The following MOBP variants were observed in gnomAD, a reference collection of about 807,000 sequenced individuals.
MOBP encodes the protein myelin-associated oligodendrocyte basic protein.
A neutral mutation model predicts 15.0 loss-of-function variants in MOBP; 5 were observed. The observed-to-expected ratio is 0.33, with a 90% CI of 0.17 to 0.70. The LOEUF is 0.70. Among genes scored for constraint, MOBP ranks in the 30% least tolerant of loss-of-function variants. The pLI is 0.67. For synonymous variants in MOBP, 88 were observed against 99.0 expected (o/e 0.89, Z 0.66); for missense variants, 188 against 257.8 (o/e 0.73, Z 1.85).
downstream of MOBP, chr3:39,528,731 A>G (rs2043360102): frequency 6.6e-6 from 1 of 152,274 alleles, no homozygotes; most frequent in Non-Finnish European, 1.5e-5. Flanking sequence ...TTGCTAGAAA[A>G]TAATGCAAGC....
chr3:39,476,626 T>G (rs1435531035), intron 1 of MOBP, among the ~76,000 whole-genome samples: 5 of 152,216 alleles, frequency 3.3e-5, no homozygotes, highest in African/African-American at 1.2e-4. Flanking sequence ...AGCCATATCC[T>G]TTCTTCCCCC....
downstream of MOBP, chr3:39,526,440 C>T (rs2043324776): frequency 6.6e-6 from 1 of 152,132 alleles, no homozygotes; most frequent in Non-Finnish European, 1.5e-5. Context: ...CTAAAAGGTG[C>T]TATAATCCAG....
At chr3:39,474,973 A>G (rs539347858) in intron 1 of MOBP, among the ~76,000 whole-genome samples, 21 of 152,308 alleles carry the variant, frequency 1.4e-4, no homozygotes, top group Non-Finnish European at 2.4e-4. Flanking sequence ...AATTAACTGT[A>G]GACTCTAATC....
At chr3:39,487,033 C>T (rs971730931) in intron 2 of MOBP, among the ~76,000 whole-genome samples, 2 of 151,422 alleles carry the variant, frequency 1.3e-5, no homozygotes, top group Non-Finnish European at 2.9e-5. Flanking sequence ...CTCCAACTCC[C>T]AGGCTCAAGA....
chr3:39,516,331 A>T (rs1358633143), downstream of MOBP, among the ~76,000 whole-genome samples: 3 of 152,156 alleles, frequency 2.0e-5, no homozygotes, highest in African/African-American at 7.2e-5. Flanking sequence ...TGGATCACTG[A>T]TGGAGCCAGC....
rs138472289 is a variant in MOBP, at chr3:39,499,279, G to A, written c.-4-2787G>A. ...TGGGGAAGGGCTTAGCAGACGTTTA[G>A]GGTCTTTGCAATGAATCTGACCCTA... is the stretch of plus-strand genomic sequence containing the variant. On this transcript the variant is annotated intron_variant, in intron 2 of 3. Coordinates refer to ENST00000684792, the MANE Select transcript of MOBP (RefSeq NM_001393704.1). 2.0e-3 allele frequency among the ~76,000 whole-genome samples: 310 copies of A among 152,272 alleles called. 1 individual carries two copies. The highest frequency in any genetic ancestry group is 7.0e-3 in the African/African-American group (292 of 41,550).
At chr3:39,499,379 TCTC>T (rs2042937115) in intron 2 of MOBP, 1 of 152,292 alleles carries the variant, frequency 6.6e-6, no homozygotes, top group African/African-American at 2.4e-5. Context: ...TATCTGATCA[TCTC>T]CTTTTGAAAA....
intron 1 of MOBP, among the ~76,000 whole-genome samples, chr3:39,472,048 C>T (rs2042478068): frequency 1.3e-5 from 2 of 152,122 alleles, no homozygotes. Context: ...AAGTCCCTAC[C>T]CCTTGGGTGC....
At chr3:39,516,586 GGA>G (rs1283286940), downstream of MOBP, among the ~76,000 whole-genome samples, 6 of 152,036 alleles carry the variant, frequency 3.9e-5, no homozygotes, top group Admixed American at 3.9e-4. Context: ...CATGAGGATG[GGA>G]GAGAGAGTTA....
rs2042530264 is a variant in MOBP, at chr3:39,475,287, A to G, written c.-88-4753A>G. ...AGAATAAACGAGGATGATCTGTCTTATTACTGGTGATGTTAACCTTGATCA... is the reference window on the plus strand; with the variant it reads ...AGAATAAACGAGGATGATCTGTCTTGTTACTGGTGATGTTAACCTTGATCA... On this transcript the variant is annotated intron_variant, in intron 1 of 3. Coordinates refer to ENST00000684792, the MANE Select transcript of MOBP (RefSeq NM_001393704.1). Among the ~76,000 whole-genome samples the G allele has an allele frequency of 2.0e-5, 3 of 152,166 alleles. No individual in the cohort carries two copies. In the South Asian group the frequency reaches 6.2e-4, roughly 31 times the overall value.
downstream of MOBP, among the ~76,000 whole-genome samples, chr3:39,505,977 A>G (rs77516730): frequency 6.6e-6 from 1 of 152,162 alleles, no homozygotes; most frequent in Non-Finnish European, 1.5e-5. Context: ...CCACACGTTC[A>G]TCAGAATATG....
exon 5 of MOBP, chr3:39,514,528 C>T (rs1334925873): frequency 6.6e-6 from 1 of 152,286 alleles, no homozygotes; most frequent in Non-Finnish European, 1.5e-5. Context: ...CCTGGCTGGC[C>T]TCTCCACATT....
intron 1 of MOBP, among the ~76,000 whole-genome samples, chr3:39,473,548 G>GGGATAAGGGCAA (rs1349427884): frequency 2.0e-5 from 3 of 152,268 alleles, no homozygotes; most frequent in Admixed American, 1.3e-4. Flanking sequence ...TGGTCCTGGA[G>GGGATAAGGGCAA]GGATAAGGGC....
At chr3:39,483,400 G>A (rs2042654694) in intron 2 of MOBP, among the ~76,000 whole-genome samples, 1 of 152,206 alleles carries the variant, frequency 6.6e-6, no homozygotes. Context: ...AGGGTGGTCA[G>A]CAATCTAGTG....
At position 39,523,177 on chromosome 3, in the gene MOBP, C is replaced by T. The variant is rs922131241; in HGVS notation, c.*259-1066C>T. 2.0e-5 allele frequency among the ~76,000 whole-genome samples: 3 copies of T among 152,206 alleles called. No homozygotes were observed. In the East Asian group the frequency reaches 5.8e-4, roughly 29 times the overall value. On this transcript the variant is annotated intron_variant and NMD_transcript_variant, in intron 3 of 4. Coordinates refer to the MOBP transcript ENST00000424090. ...CAAAAAATTGCTTTCACAAAACAATCAACTAATCAAAAATCCTTGGATGTT... is the reference window on the plus strand; with the variant it reads ...CAAAAAATTGCTTTCACAAAACAATTAACTAATCAAAAATCCTTGGATGTT...
intron 2 of MOBP, among the ~76,000 whole-genome samples, chr3:39,496,889 C>T (rs886967406): frequency 6.6e-6 from 1 of 152,040 alleles, no homozygotes; most frequent in African/African-American, 2.4e-5. Flanking sequence ...TCTCGAACTC[C>T]CAACCTTGGG....
chr3:39,482,651 CAAAA>C (rs10576821), intron 2 of MOBP, among the ~76,000 whole-genome samples: 4 of 80,388 alleles, frequency 5.0e-5, no homozygotes, highest in Non-Finnish European at 7.6e-5. Context: ...CACTCTGTCT[CAAAA>C]AAAAAAAAAA....
chr3:39,472,160 A>G (rs552164730), intron 1 of MOBP, among the ~76,000 whole-genome samples: 14 of 152,246 alleles, frequency 9.2e-5, no homozygotes, highest in Non-Finnish European at 2.1e-4. Context: ...TTGACTTCCC[A>G]GCAGACTTCC....
chr3:39,477,200 A>G (rs909653039), intron 1 of MOBP, among the ~76,000 whole-genome samples: 2 of 152,154 alleles, frequency 1.3e-5, no homozygotes, highest in African/African-American at 2.4e-5. Context: ...TACTTGGTTA[A>G]CAGCCTCTTA....
Sources: allele counts gnomAD v4.1 joint callset (sites outside exome capture counted in the v4.1 genomes callset), GRCh38; gene constraint gnomAD v4.1.1; transcripts MANE v1.5; gene names NCBI Gene and HGNC (gene_info 2026-07-23, HGNC 2026-07-21).